The following DIP2C variants were observed in gnomAD, a reference collection of about 807,000 sequenced individuals.
DIP2C encodes disco-interacting protein 2 homolog C.
A neutral mutation model predicts 192.4 loss-of-function variants in DIP2C; 33 were observed. That is an observed-to-expected ratio of 0.17 (90% CI 0.13 to 0.23). The LOEUF is 0.23. Ranked by LOEUF, DIP2C falls within the 10% of genes least tolerant of loss-of-function variation. The pLI is 1.00. For synonymous variants in DIP2C, 979 were observed against 864.1 expected (o/e 1.13, Z -2.33); for missense variants, 1,537 against 2,110.1 (o/e 0.73, Z 5.32).
intron 23 of DIP2C, 90 bp downstream of exon 23, chr10:357,738 A>G (rs1564609512): frequency 4.3e-6 from 4 of 931,918 alleles, no homozygotes; most frequent in South Asian, 1.6e-5. Flanking sequence ...GGTAGGGGAC[A>G]GTCGGGTACT....
chr10:339,716 G>T (rs565045771), intron 29 of DIP2C, among the ~76,000 whole-genome samples: 1 of 152,150 alleles, frequency 6.6e-6, no homozygotes, highest in South Asian at 2.1e-4. Flanking sequence ...ACAATGTTAT[G>T]GCATTTTGGA....
At chr10:554,914 C>T (rs968176246) in intron 1 of DIP2C, among the ~76,000 whole-genome samples, 5 of 152,152 alleles carry the variant, frequency 3.3e-5, no homozygotes, top group African/African-American at 1.2e-4. Context: ...CCAGACTGGC[C>T]TGCAGGAGAT....
chr10:277,654 T>A (rs1811018392), intron 36 of DIP2C, 77 bp from the exon 37 acceptor site: 2 of 1,560,188 alleles, frequency 1.3e-6, no homozygotes, highest in African/African-American at 2.7e-5. Flanking sequence ...AAAGTTCCAC[T>A]TGGCTCTCTC....
At chr10:449,112 A>G (rs1267406616) in intron 3 of DIP2C, among the ~76,000 whole-genome samples, 1 of 147,216 alleles carries the variant, frequency 6.8e-6, no homozygotes, top group African/African-American at 2.5e-5. Flanking sequence ...AGCAGGACCC[A>G]CTCATCCCTG....
intron 1 of DIP2C, among the ~76,000 whole-genome samples, chr10:558,487 G>T (rs140233407): frequency 6.6e-6 from 1 of 152,214 alleles, no homozygotes; most frequent in African/African-American, 2.4e-5. Context: ...AGGCACCCTC[G>T]ATGTAGATAC....
intron 1 of DIP2C, among the ~76,000 whole-genome samples, chr10:673,199 G>T (rs1274371922): frequency 6.6e-6 from 1 of 152,186 alleles, no homozygotes; most frequent in Non-Finnish European, 1.5e-5. Context: ...CCCAATCTTG[G>T]TGTTAAGAGT....
At chr10:527,731 G>T (rs548640481) in intron 1 of DIP2C, among the ~76,000 whole-genome samples, 9 of 152,326 alleles carry the variant, frequency 5.9e-5, no homozygotes, top group African/African-American at 1.7e-4. Flanking sequence ...TATGAGATGA[G>T]TGAGATGGTT....
At chr10:468,952 T>G (rs1049308560) in intron 3 of DIP2C, among the ~76,000 whole-genome samples, 14 of 152,246 alleles carry the variant, frequency 9.2e-5, no homozygotes, top group African/African-American at 3.1e-4. Context: ...CTATACACAG[T>G]AAGCTTGATT....
intron 31 of DIP2C, among the ~76,000 whole-genome samples, chr10:313,564 C>T (rs1390013647): frequency 4.6e-5 from 7 of 152,142 alleles, no homozygotes; most frequent in East Asian, 1.9e-4. Context: ...ACATCGTATT[C>T]GGCATCACAA....
chr10:621,647 C>G (rs918227781), intron 1 of DIP2C, among the ~76,000 whole-genome samples: 4 of 152,160 alleles, frequency 2.6e-5, no homozygotes, highest in East Asian at 1.9e-4. Flanking sequence ...GGAGACCCCT[C>G]GTGTGATCCT....
chr10:662,847 C>A (rs111388905), intron 1 of DIP2C: 1 of 717,436 alleles, frequency 1.4e-6, no homozygotes, highest in Non-Finnish European at 2.6e-6. Context: ...GAGGCCACAC[C>A]CACAGCCAGC....
At chr10:645,768 T>C (rs1188038523) in intron 1 of DIP2C, among the ~76,000 whole-genome samples, 1 of 151,882 alleles carries the variant, frequency 6.6e-6, no homozygotes, top group Non-Finnish European at 1.5e-5. Context: ...TATCTCTGAA[T>C]GGGGGGGGCT....
rs1369919732 is a variant in DIP2C at position 283,263 on chromosome 10, G to C, written c.4294+9C>G. 2.5e-6 allele frequency: 4 copies of C among 1,612,950 alleles called. No homozygotes were observed. The highest frequency in any genetic ancestry group is 3.4e-6 in the Non-Finnish European group (4 of 1,179,506). On this transcript the variant is annotated intron_variant, in intron 35 of 36. Transcript: ENST00000280886. ...CTGTTGGGGGGGGGCCGCCAGCCTG[G>C]ACTCTCACCTCCATTTGCATCTGTG...
chr10:428,272 TA>T (rs544308640), intron 4 of DIP2C, among the ~76,000 whole-genome samples: 212 of 152,314 alleles, frequency 1.4e-3, no homozygotes, highest in African/African-American at 4.8e-3. Context: ...TTCATAGAGC[TA>T]ACCTTTCATC....
Position 310,090 on chromosome 10 carries a change from T to C in DIP2C, c.3927A>G (p.Gly1309=), listed in dbSNP as rs1589444155. 6.2e-7 allele frequency: 1 copy of C among 1,614,168 alleles called. No homozygotes were observed. The highest frequency in any genetic ancestry group is 2.2e-5 in the East Asian group (1 of 44,886). ...CRVNLAICLQ[G]TSGPDPTTVY... ...CAGTGGTTGGGTCAGGTCCTGAGGT[T>C]CCCTGCAAGCAACAACAGAGTGGTT... Residue 1309 remains glycine (G), a splice_region_variant and synonymous_variant, in exon 32 of 37, where the codon GGA becomes GGG. Transcript: ENST00000280886.
chr10:664,449 C>G (rs1055220436), intron 1 of DIP2C: 1 of 152,188 alleles, frequency 6.6e-6, no homozygotes, highest in African/African-American at 2.4e-5. Flanking sequence ...CCAGCGGGAC[C>G]CAGGAAAGGC....
intron 5 of DIP2C, among the ~76,000 whole-genome samples, chr10:420,926 A>G (rs2133154282): frequency 6.6e-6 from 1 of 152,296 alleles, no homozygotes; most frequent in Non-Finnish European, 1.5e-5. Context: ...TGGACTCCTT[A>G]GGACACTCAC....
chr10:438,625 G>A (rs1328094806), intron 4 of DIP2C, among the ~76,000 whole-genome samples: 1 of 151,834 alleles, frequency 6.6e-6, no homozygotes, highest in Non-Finnish European at 1.5e-5. Flanking sequence ...CGAGCAGCTG[G>A]GACTATGCGC....
chr10:672,513 A>C (rs1156715394), intron 1 of DIP2C, among the ~76,000 whole-genome samples: 1 of 152,212 alleles, frequency 6.6e-6, no homozygotes, highest in African/African-American at 2.4e-5. Flanking sequence ...GTTCACATCC[A>C]TCAAATGCGG....
Sources: allele counts gnomAD v4.1 joint callset (sites outside exome capture counted in the v4.1 genomes callset), GRCh38; gene constraint gnomAD v4.1.1; transcripts MANE v1.5; gene names NCBI Gene and HGNC (gene_info 2026-07-23, HGNC 2026-07-21).